Variants in IQSEC1 observed in about 807,000 individuals in gnomAD.
IQSEC1 encodes the protein IQ motif and Sec7 domain ArfGEF 1, also known as IQ motif and SEC7 domain-containing protein 1.
In IQSEC1, 31 loss-of-function variants were observed where a neutral mutation model predicts 91.0. The observed-to-expected ratio is 0.34, with a 90% CI of 0.26 to 0.46. IQSEC1 has a LOEUF of 0.46. IQSEC1 is among the 20% of genes least tolerant of loss of function. The pLI is 1.00. For synonymous variants in IQSEC1, 699 were observed against 662.6 expected (o/e 1.05, Z -0.84); for missense variants, 1,388 against 1,575.6 (o/e 0.88, Z 2.02).
At chr3:13,228,652 G>C (rs1267725792) in intron 1 of IQSEC1, among the ~76,000 whole-genome samples, 1 of 152,204 alleles carries the variant, frequency 6.6e-6, no homozygotes, top group Non-Finnish European at 1.5e-5. Context: ...TGCAAGGAGT[G>C]GCAGGATCTG....
intron 1 of IQSEC1, among the ~76,000 whole-genome samples, chr3:13,220,996 T>C (rs962629005): frequency 2.6e-5 from 4 of 152,140 alleles, no homozygotes; most frequent in African/African-American, 7.2e-5. Context: ...GGAAACGACA[T>C]AGGGGAACAA....
intron 2 of IQSEC1, among the ~76,000 whole-genome samples, chr3:13,129,982 G>GT (rs1239789624): frequency 1.3e-5 from 2 of 151,602 alleles, no homozygotes; most frequent in Admixed American, 6.6e-5. Flanking sequence ...TTTATATACT[G>GT]TTTTTTTAAT....
At chr3:13,087,348 T>C (rs1705753830) in intron 2 of IQSEC1, among the ~76,000 whole-genome samples, 1 of 152,068 alleles carries the variant, frequency 6.6e-6, no homozygotes, top group Non-Finnish European at 1.5e-5. Flanking sequence ...CTCAGAGAAC[T>C]GCATTGTTGC....
chr3:12,926,698 G>C (rs546156324), intron 3 of IQSEC1, among the ~76,000 whole-genome samples: 16 of 152,316 alleles, frequency 1.1e-4, no homozygotes, highest in South Asian at 2.1e-4. Context: ...TCCCCGGGGT[G>C]GGGGGGATGG....
At chr3:12,998,794 G>A (rs566002646) in intron 1 of IQSEC1, among the ~76,000 whole-genome samples, 19 of 152,154 alleles carry the variant, frequency 1.2e-4, no homozygotes, top group African/African-American at 4.1e-4. Flanking sequence ...GACCGAGGGT[G>A]AACTGTGGAG....
At chr3:12,937,071 T>G (rs1342482182) in intron 2 of IQSEC1, among the ~76,000 whole-genome samples, 1 of 152,118 alleles carries the variant, frequency 6.6e-6, no homozygotes, top group Non-Finnish European at 1.5e-5. Context: ...TAGCTGGGAT[T>G]ACAGACACCC....
chr3:13,184,735 T>C (rs543065841), intron 1 of IQSEC1, among the ~76,000 whole-genome samples: 7 of 152,338 alleles, frequency 4.6e-5, no homozygotes, highest in African/African-American at 1.7e-4. Context: ...AACTGTTAAG[T>C]GTGCTTAGCG....
At position 12,929,044 on chromosome 3, in the gene IQSEC1, T is replaced by G. The variant is rs554299194; in HGVS notation, c.1569-4302A>C. On this transcript the variant is annotated intron_variant, in intron 3 of 13. Coordinates refer to ENST00000613206, the MANE Select transcript of IQSEC1 (RefSeq NM_001134382.3). ...GAGAGGGATACAGACGGAGATAAAG[T>G]CCAAGAATACAGAAATATGCTACAG... is the stretch of plus-strand genomic sequence containing the variant. 1.2e-3 allele frequency among the ~76,000 whole-genome samples: 186 copies of G among 152,212 alleles called. 2 individuals carry two copies. Among genetic ancestry groups the G allele is most frequent in the African/African-American group, 4.3e-3 (179 of 41,514 alleles).
At chr3:13,218,393 T>A (rs999814849) in intron 1 of IQSEC1, among the ~76,000 whole-genome samples, 5 of 152,190 alleles carry the variant, frequency 3.3e-5, no homozygotes, top group Non-Finnish European at 7.4e-5. Context: ...TGTGCATGAA[T>A]GAGCTGGCTG....
intron 1 of IQSEC1, among the ~76,000 whole-genome samples, chr3:13,176,364 G>A (rs1307481413): frequency 1.3e-5 from 2 of 152,100 alleles, no homozygotes; most frequent in African/African-American, 4.8e-5. Flanking sequence ...GCAGAAAACT[G>A]CTACTAGAGT....
chr3:13,236,998 G>T (rs903176028), intron 1 of IQSEC1, among the ~76,000 whole-genome samples: 2 of 152,228 alleles, frequency 1.3e-5, no homozygotes, highest in African/African-American at 4.8e-5. Context: ...CACAACACCT[G>T]CCCGAGGAGG....
At chr3:12,954,801 T>C (rs1203735904) in intron 1 of IQSEC1, among the ~76,000 whole-genome samples, 1 of 152,204 alleles carries the variant, frequency 6.6e-6, no homozygotes, top group Non-Finnish European at 1.5e-5. Context: ...CTTGGGGACC[T>C]GCACAACCCT....
intron 1 of IQSEC1, among the ~76,000 whole-genome samples, chr3:13,258,057 A>G (rs903043358): frequency 2.0e-5 from 3 of 152,240 alleles, no homozygotes; most frequent in Non-Finnish European, 4.4e-5. Flanking sequence ...AAGTGAAAGA[A>G]GGTGACCTGG....
intron 1 of IQSEC1, among the ~76,000 whole-genome samples, chr3:13,271,052 C>T (rs1169146474): frequency 1.3e-5 from 2 of 152,186 alleles, no homozygotes; most frequent in Non-Finnish European, 2.9e-5. Context: ...AAGGACATTT[C>T]ATAATGATAA....
In IQSEC1 at chr3:12,900,054, G is replaced by A. The variant is rs1575824482; in HGVS notation, c.*929C>T. The A allele has an allele frequency of 2.0e-6, 2 of 985,374 alleles. No individual in the cohort carries two copies. The highest frequency in any genetic ancestry group is 1.7e-5 in the African/African-American group (1 of 57,320). 61.0% of individuals were successfully genotyped at this position (985,374 alleles called of 1,614,324 possible). Reference sequence around the variant, plus strand: ...ACCAATGTCCTAAGACAACCAGCTTGTAACCAGCTGTCCTGAGTTGCTACT... The same window carrying A: ...ACCAATGTCCTAAGACAACCAGCTTATAACCAGCTGTCCTGAGTTGCTACT... On this transcript the variant is annotated 3_prime_UTR_variant, in exon 14 of 14. Coordinates refer to ENST00000613206, the MANE Select transcript of IQSEC1 (RefSeq NM_001134382.3).
intron 1 of IQSEC1, among the ~76,000 whole-genome samples, chr3:13,265,505 C>G (rs59860460): frequency 0.024 from 3,635 of 152,302 alleles, 122 homozygotes; most frequent in African/African-American, 0.073. Flanking sequence ...GAGACCAAAA[C>G]CAAATACACG....
intron 1 of IQSEC1, among the ~76,000 whole-genome samples, chr3:13,066,470 A>G (rs1705233180): frequency 6.6e-6 from 1 of 152,242 alleles, no homozygotes; most frequent in Admixed American, 6.5e-5. Flanking sequence ...TGGGGGAGTC[A>G]GGAAAGAGGC....
chr3:13,264,287 G>A (rs1168479447), intron 1 of IQSEC1, among the ~76,000 whole-genome samples: 60 of 152,178 alleles, frequency 3.9e-4, no homozygotes, highest in Admixed American at 3.9e-3. Flanking sequence ...AGTCCAGGCC[G>A]ACTCACTAGG....
intron 1 of IQSEC1, among the ~76,000 whole-genome samples, chr3:13,187,013 T>A (rs747511203): frequency 2.6e-5 from 4 of 152,104 alleles, no homozygotes; most frequent in Non-Finnish European, 5.9e-5. Context: ...TCCTTCTTCG[T>A]ACTTTCAGTC....
Sources: gnomAD v4.1 joint callset for allele counts (sites outside exome capture counted in the v4.1 genomes callset) on GRCh38, gnomAD v4.1.1 for gene constraint, MANE v1.5 for transcripts, NCBI Gene and HGNC (gene_info 2026-07-23, HGNC 2026-07-21) for gene names.